TBXAS1: variants seen among roughly 807,000 people sequenced by gnomAD.
TBXAS1 encodes thromboxane-A synthase.
Under a neutral mutation model 60.7 loss-of-function variants are expected in TBXAS1, and 48 were observed. The ratio of observed to expected loss-of-function variants is 0.79; its 90% CI spans 0.63 to 1.01. The LOEUF is 1.01. Ranked by LOEUF, TBXAS1 falls within the 50% of genes least tolerant of loss-of-function variation. The probability of loss-of-function intolerance (pLI) is 0.00; values close to 1 mark genes in which losing one functional copy is unlikely to be tolerated. For synonymous variants in TBXAS1, 287 were observed against 269.7 expected (o/e 1.06, Z -0.63); for missense variants, 685 against 686.3 (o/e 1.00, Z 0.02).
intron 4 of TBXAS1, among the ~76,000 whole-genome samples, chr7:139,804,548 AG>A (rs1797795671): frequency 6.6e-6 from 1 of 152,174 alleles, no homozygotes; most frequent in African/African-American, 2.4e-5. Flanking sequence ...GGGAGGGGCC[AG>A]GGGCAGAATT....
chr7:139,956,055 C>G (rs1426944330), intron 7 of TBXAS1, among the ~76,000 whole-genome samples: 3 of 152,214 alleles, frequency 2.0e-5, no homozygotes, highest in Non-Finnish European at 2.9e-5. Context: ...GACTTCTCCA[C>G]TTGAAGCCCA....
chr7:139,994,076 T>C (rs1813125869), intron 9 of TBXAS1, among the ~76,000 whole-genome samples: 1 of 151,686 alleles, frequency 6.6e-6, no homozygotes, highest in African/African-American at 2.4e-5. Flanking sequence ...AGTTTTGCTC[T>C]TGTTGCCCAG....
intron 4 of TBXAS1, among the ~76,000 whole-genome samples, chr7:139,795,612 A>T (rs1031591836): frequency 6.8e-6 from 1 of 146,618 alleles, no homozygotes; most frequent in Non-Finnish European, 1.5e-5. Flanking sequence ...CTGAATGGTA[A>T]TGCCTAGGTT....
intron 5 of TBXAS1, among the ~76,000 whole-genome samples, chr7:139,944,028 G>C (rs1399740051): frequency 6.6e-6 from 1 of 152,034 alleles, no homozygotes; most frequent in Non-Finnish European, 1.5e-5. Context: ...AATTTATAAA[G>C]GTCAACAAAT....
intron 10 of TBXAS1, among the ~76,000 whole-genome samples, chr7:140,012,547 T>C (rs7797381): frequency 0.42 from 62,971 of 151,346 alleles, 14,042 homozygotes; most frequent in East Asian, 0.57. Flanking sequence ...CAACCTCCTC[T>C]TCCCGGGTTC....
rs1269780321 is a variant in TBXAS1 at position 139,875,883 on chromosome 7, A to G, written c.236+246A>G. 5.4e-6 allele frequency: 3 copies of G among 553,828 alleles called. No homozygotes were observed. The African/African-American group carries it at 5.7e-5, about 11-fold the overall frequency. The allele number at this position is 553,828 out of a possible 1,614,324, so 34.3% of individuals were successfully genotyped here. On this transcript the variant is annotated intron_variant, in intron 3 of 12. Transcript: ENST00000448866. ...AAGAGTACCACTTTCCAGCCTTTGC[A>G]GCCTTGCTGGGCTGGGCACAGCATC...
intron 3 of TBXAS1, among the ~76,000 whole-genome samples, chr7:139,908,634 G>T (rs1307537451): frequency 1.3e-5 from 2 of 151,920 alleles, no homozygotes; most frequent in Non-Finnish European, 2.9e-5. Flanking sequence ...AAATATAATT[G>T]TCTTAAGTAT....
intron 5 of TBXAS1, among the ~76,000 whole-genome samples, chr7:139,946,148 C>T (rs970222776): frequency 1.8e-4 from 28 of 152,114 alleles, no homozygotes; most frequent in African/African-American, 6.5e-4. Flanking sequence ...ACTTGGGCAA[C>T]ATAGGGAGAC....
chr7:139,943,178 C>T (rs1808426467), intron 5 of TBXAS1, among the ~76,000 whole-genome samples: 1 of 152,178 alleles, frequency 6.6e-6, no homozygotes, highest in African/African-American at 2.4e-5. Flanking sequence ...GCTTTTATTT[C>T]TTAATCCTCC....
At chr7:140,011,347 A>AG (rs1814601808) in intron 10 of TBXAS1, among the ~76,000 whole-genome samples, 1 of 150,650 alleles carries the variant, frequency 6.6e-6, no homozygotes, top group African/African-American at 2.4e-5. Context: ...AAAAAAGAAA[A>AG]AAAAGGCCCC....
At chr7:139,965,490 A>C (rs958028768) in intron 9 of TBXAS1, among the ~76,000 whole-genome samples, 4 of 152,200 alleles carry the variant, frequency 2.6e-5, no homozygotes, top group Admixed American at 1.3e-4. Flanking sequence ...GCTGGAGTGC[A>C]GTGGCACAAT....
intron 3 of TBXAS1, among the ~76,000 whole-genome samples, chr7:139,892,972 G>T (rs1803760475): frequency 6.6e-6 from 1 of 152,128 alleles, no homozygotes; most frequent in Non-Finnish European, 1.5e-5. Flanking sequence ...AAATGAGGGG[G>T]TTGGGCTAGA....
At chr7:139,824,495 C>T (rs566354406), upstream of TBXAS1, among the ~76,000 whole-genome samples, 10 of 152,308 alleles carry the variant, frequency 6.6e-5, no homozygotes, top group Non-Finnish European at 1.3e-4. Flanking sequence ...GGAAACAACT[C>T]GAATGCTGTT....
chr7:139,905,019 CTT>C (rs1227162392), intron 3 of TBXAS1, among the ~76,000 whole-genome samples: 1 of 75,190 alleles, frequency 1.3e-5, no homozygotes, highest in African/African-American at 7.4e-5. Flanking sequence ...TTCTTTCTTT[CTT>C]TCTTTCTTTC....
chr7:139,836,035 AAAATAAATAAATAAATAAAT>A (rs201367497), intron 1 of TBXAS1, among the ~76,000 whole-genome samples: 29 of 140,388 alleles, frequency 2.1e-4, no homozygotes, highest in Middle Eastern at 3.5e-3. Flanking sequence ...AATAGCTGCA[AAAATAAATAAATAAATAAAT>A]AAATAAATAA....
chr7:139,872,368 C>T (rs992094854), intron 2 of TBXAS1, 40 bp downstream of exon 2: 1 of 1,588,338 alleles, frequency 6.3e-7, no homozygotes, highest in African/African-American at 1.3e-5. Context: ...ATAAAATATG[C>T]TGAGGGCCAG....
chr7:139,938,157 G>A (rs552985958), intron 5 of TBXAS1, among the ~76,000 whole-genome samples: 2 of 152,156 alleles, frequency 1.3e-5, no homozygotes, highest in African/African-American at 2.4e-5. Flanking sequence ...GGGCTGGCCC[G>A]CGGCCCACAT....
At chr7:139,805,269 G>A (rs1797819676) in intron 4 of TBXAS1, among the ~76,000 whole-genome samples, 1 of 152,248 alleles carries the variant, frequency 6.6e-6, no homozygotes, top group Non-Finnish European at 1.5e-5. Flanking sequence ...CATAGATGAG[G>A]AAACTGAGGG....
intron 4 of TBXAS1, among the ~76,000 whole-genome samples, chr7:139,792,017 G>C (rs942989025): frequency 6.6e-5 from 10 of 152,086 alleles, no homozygotes; most frequent in Middle Eastern, 3.2e-3. Flanking sequence ...GTGTGTTCCA[G>C]GGTATGCTAT....
Sources: allele counts gnomAD v4.1 joint callset (sites outside exome capture counted in the v4.1 genomes callset), GRCh38; gene constraint gnomAD v4.1.1; transcripts MANE v1.5; gene names NCBI Gene and HGNC (gene_info 2026-07-23, HGNC 2026-07-21).